The following TRAPPC8 variants were observed in gnomAD, a reference collection of about 807,000 sequenced individuals.
TRAPPC8 encodes the protein trafficking protein particle complex subunit 8.
Under a neutral mutation model 174.3 loss-of-function variants are expected in TRAPPC8, and 54 were observed. The observed-to-expected ratio is 0.31, with a 90% CI of 0.25 to 0.39. The LOEUF (loss-of-function observed/expected upper bound fraction) is 0.39, where lower values mean the gene tolerates loss of function less well. Ranked by LOEUF, TRAPPC8 falls within the 10% of genes least tolerant of loss-of-function variation. The pLI is 1.00. For synonymous variants in TRAPPC8, 630 were observed against 579.9 expected (o/e 1.09, Z -1.24); for missense variants, 1,531 against 1,699.1 (o/e 0.90, Z 1.74).
At chr18:31,913,608 A>G (rs2037009685) in intron 4 of TRAPPC8, 86 bp from the exon 5 acceptor site, 1 of 1,024,562 alleles carries the variant, frequency 9.8e-7, no homozygotes, top group Non-Finnish European at 1.3e-6. Flanking sequence ...CAAAAATAAC[A>G]TTAAAATAAT....
chr18:31,919,554 AAAT>A (rs2037289017), intron 2 of TRAPPC8, among the ~76,000 whole-genome samples: 1 of 120,794 alleles, frequency 8.3e-6, no homozygotes. Context: ...ATAAATAAAT[AAAT>A]AAATAAATAA....
intron 7 of TRAPPC8, 79 bp downstream of exon 7, chr18:31,908,675 C>A: frequency 7.3e-7 from 1 of 1,374,800 alleles, no homozygotes; most frequent in Non-Finnish European, 9.6e-7. Context: ...TAAAACAAAA[C>A]TTCAAATACG....
At position 31,902,262 on chromosome 18, in the gene TRAPPC8, C is replaced by A. The variant is rs148022957; in HGVS notation, c.1390-1237G>T. On this transcript the variant is annotated intron_variant, in intron 9 of 28. Coordinates refer to ENST00000283351, the MANE Select transcript of TRAPPC8 (RefSeq NM_014939.5). Reference sequence around the variant, plus strand: ...AGGAGAATCGCTTGAACCCGGGAAGCGGGGGTTGCACTGAGCCGAGATAGT... The same window carrying A: ...AGGAGAATCGCTTGAACCCGGGAAGAGGGGGTTGCACTGAGCCGAGATAGT... Among the ~76,000 whole-genome samples the A allele has an allele frequency of 2.8e-3, 434 of 152,282 alleles. 2 individuals are homozygous for A. Among genetic ancestry groups the A allele is most frequent in the African/African-American group, 9.6e-3 (398 of 41,560 alleles).
At chr18:31,833,295 TAGA>T (rs568994976) in intron 27 of TRAPPC8, 57 of 152,340 alleles carry the variant, frequency 3.7e-4, no homozygotes, top group African/African-American at 1.2e-3. Flanking sequence ...ATGCTTCTAG[TAGA>T]AGAAGAAATG....
chr18:31,888,509 A>C (rs2035819887), intron 12 of TRAPPC8, among the ~76,000 whole-genome samples: 1 of 152,220 alleles, frequency 6.6e-6, no homozygotes, highest in Non-Finnish European at 1.5e-5. Flanking sequence ...ACATGGAATC[A>C]ACCCAAATGC....
rs139906138 is a variant in TRAPPC8, at chr18:31,847,284, C to T, written c.3736-467G>A. On this transcript the variant is annotated intron_variant, in intron 25 of 28. Transcript: ENST00000283351. Reference sequence around the variant, plus strand: ...AATGTTATGTTCATAAATATAAATACATATGCTTTAAAAAAGGCTTTTTTC... The same window carrying T: ...AATGTTATGTTCATAAATATAAATATATATGCTTTAAAAAAGGCTTTTTTC... Among the ~76,000 whole-genome samples, 1,103 of 152,248 alleles carry T rather than the reference C, an allele frequency of 7.2e-3. 14 individuals carry two copies. The highest frequency in any genetic ancestry group is 0.025 in the African/African-American group (1,058 of 41,540).
At chr18:31,869,491 T>C (rs2034738524) in intron 16 of TRAPPC8, among the ~76,000 whole-genome samples, 1 of 152,136 alleles carries the variant, frequency 6.6e-6, no homozygotes, top group Non-Finnish European at 1.5e-5. Context: ...ACTACAATAC[T>C]TTTCCCTAAA....
At chr18:31,866,616 C>T (rs771692480) in intron 18 of TRAPPC8, among the ~76,000 whole-genome samples, 1 of 152,016 alleles carries the variant, frequency 6.6e-6, no homozygotes, top group Non-Finnish European at 1.5e-5. Flanking sequence ...AAAATACAGT[C>T]TAAAAATTAA....
intron 27 of TRAPPC8, 82 bp downstream of exon 27, chr18:31,839,230 A>T: frequency 7.2e-7 from 1 of 1,388,104 alleles, no homozygotes; most frequent in South Asian, 1.5e-5. Context: ...TATTTGGGTT[A>T]ATGTCACTGC....
chr18:31,866,510 A>G (rs1335635666), intron 18 of TRAPPC8, among the ~76,000 whole-genome samples: 1 of 152,174 alleles, frequency 6.6e-6, no homozygotes, highest in Non-Finnish European at 1.5e-5. Context: ...TCAAAAAAAA[A>G]AGAACATATT....
chr18:31,870,200 G>A (rs1055376500), intron 16 of TRAPPC8, 172 bp downstream of exon 16: 25 of 487,052 alleles, frequency 5.1e-5, no homozygotes, highest in Admixed American at 4.1e-4. Context: ...TATTCCTTAT[G>A]TTTTTATGTA....
rs147563001 is a variant in TRAPPC8 at position 31,849,497 on chromosome 18, C to T, written c.3735+69G>A. The T allele has an allele frequency of 1.7e-4, 218 of 1,272,484 alleles. 3 individuals are homozygous for T. In the South Asian group the frequency reaches 4.0e-3, roughly 24 times the overall value. 78.8% of individuals were successfully genotyped at this position (1,272,484 alleles called of 1,614,324 possible). Reference sequence around the variant, plus strand: ...CATAAAAAATATAAATAGTAATATACGTTTGTGCTTAGCTTAAGACTCGAG... The same window carrying T: ...CATAAAAAATATAAATAGTAATATATGTTTGTGCTTAGCTTAAGACTCGAG... On this transcript the variant is annotated intron_variant, in intron 25 of 28. Coordinates refer to ENST00000283351, the MANE Select transcript of TRAPPC8 (RefSeq NM_014939.5).
chr18:31,867,985 T>G (rs1432918267), intron 16 of TRAPPC8, among the ~76,000 whole-genome samples: 1 of 152,144 alleles, frequency 6.6e-6, no homozygotes, highest in Admixed American at 6.5e-5. Flanking sequence ...TAATTTAATC[T>G]TACAATAATA....
chr18:31,926,347 T>C (rs2037613601), intron 2 of TRAPPC8: 1 of 152,148 alleles, frequency 6.6e-6, no homozygotes, highest in Non-Finnish European at 1.5e-5. Context: ...ACAATAGAGA[T>C]TTCTTGAAGG....
At chr18:31,834,944 C>A (rs576614698) in intron 27 of TRAPPC8, among the ~76,000 whole-genome samples, 124 of 152,308 alleles carry the variant, frequency 8.1e-4, no homozygotes, top group African/African-American at 2.8e-3. Flanking sequence ...CTATCTTTAA[C>A]TGTATTGTCC....
At chr18:31,834,082 C>T in intron 27 of TRAPPC8, among the ~76,000 whole-genome samples, 1 of 132,052 alleles carries the variant, frequency 7.6e-6, no homozygotes. Context: ...TCTGGGATCA[C>T]ATTTTGGTTG....
intron 24 of TRAPPC8, among the ~76,000 whole-genome samples, chr18:31,851,817 A>C (rs1258115549): frequency 6.6e-6 from 1 of 152,152 alleles, no homozygotes; most frequent in East Asian, 1.9e-4. Context: ...GTTATCATCT[A>C]TATATTCCAT....
intron 9 of TRAPPC8, among the ~76,000 whole-genome samples, chr18:31,901,573 A>G (rs2036427400): frequency 6.6e-6 from 1 of 152,238 alleles, no homozygotes; most frequent in Admixed American, 6.5e-5. Context: ...CTTCCATTAC[A>G]GGTAAAGTTA....
chr18:31,855,781 A>G lies in TRAPPC8; in HGVS notation c.3215T>C (p.Ile1072Thr). ...ATTTAAAGACCGACTGGTACAAATA[A>G]TTGCAGTGTGTCTTAATATTCTGTG... The part of the protein sequence containing the change: ...IRHRILRHTA[I>T]ICTSRSLNVR... Residue 1072 changes from isoleucine to threonine, a missense_variant, in exon 21 of 29, where the codon ATT (isoleucine) becomes ACT (threonine). By Grantham distance (89) the Ile-to-Thr change is moderately conservative (BLOSUM62 -1). Transcript: ENST00000283351. 1 of 1,601,242 alleles carries G rather than the reference A, an allele frequency of 6.2e-7. No homozygotes were observed. Among genetic ancestry groups the G allele is most frequent in the Non-Finnish European group, 8.5e-7 (1 of 1,177,142 alleles).
Sources: allele counts gnomAD v4.1 joint callset (sites outside exome capture counted in the v4.1 genomes callset), GRCh38; gene constraint gnomAD v4.1.1; transcripts MANE v1.5; gene names NCBI Gene and HGNC (gene_info 2026-07-23, HGNC 2026-07-21).